Variants in TSNARE1 observed in about 807,000 individuals in gnomAD.
TSNARE1 encodes the protein t-SNARE domain-containing protein 1.
Under a neutral mutation model 62.0 loss-of-function variants are expected in TSNARE1, and 49 were observed. The observed-to-expected ratio is 0.79, with a 90% CI of 0.63 to 1.00. TSNARE1 has a LOEUF of 1.00. Among genes scored for constraint, TSNARE1 ranks in the 50% least tolerant of loss-of-function variants. The probability of loss-of-function intolerance (pLI) is 0.00; values close to 1 mark genes in which losing one functional copy is unlikely to be tolerated. For missense variants in TSNARE1, 755 were observed against 700.1 expected (o/e 1.08, Z -0.88); for synonymous variants, 328 against 294.4 (o/e 1.11, Z -1.17).
intron 2 of TSNARE1, among the ~76,000 whole-genome samples, chr8:142,354,151 A>T (rs914393493): frequency 2.6e-5 from 4 of 152,110 alleles, no homozygotes; most frequent in African/African-American, 9.7e-5. Flanking sequence ...GAAATGGAAG[A>T]GCAGCGGCTC....
chr8:142,289,082 G>A (rs539177691), intron 10 of TSNARE1, among the ~76,000 whole-genome samples: 24 of 152,328 alleles, frequency 1.6e-4, no homozygotes, highest in South Asian at 1.5e-3. Flanking sequence ...CTCAAACATC[G>A]GCCTGGTCCC....
chr8:142,222,615 T>C (rs796168228), intron 13 of TSNARE1, among the ~76,000 whole-genome samples: 1 of 37,884 alleles, frequency 2.6e-5, no homozygotes, highest in African/African-American at 8.0e-5. Context: ...CACTCATTCA[T>C]CCACTCACTC....
intron 6 of TSNARE1, among the ~76,000 whole-genome samples, chr8:142,320,431 C>T (rs142939226): frequency 0.012 from 1,851 of 151,482 alleles, 39 homozygotes; most frequent in African/African-American, 0.042. Flanking sequence ...GTACCTCCGA[C>T]TTCACTTCCC....
intron 1 of TSNARE1, among the ~76,000 whole-genome samples, chr8:142,397,878 G>A (rs1460975311): frequency 1.3e-5 from 2 of 152,146 alleles, no homozygotes; most frequent in African/African-American, 4.8e-5. Flanking sequence ...GGCCCCTGCA[G>A]GCTCCAGACA....
At position 142,318,612 on chromosome 8, in the gene TSNARE1, T is replaced by C. The variant is rs1168153555; in HGVS notation, c.916A>G (p.Asn306Asp). ...CTGGCGCTGGCTGCAATGGTCTTGTTGGTCTCCTGCTGTGCCGTGTGCCTG... is the reference window on the plus strand; with the variant it reads ...CTGGCGCTGGCTGCAATGGTCTTGTCGGTCTCCTGCTGTGCCGTGTGCCTG... ...DSLHTAQQETNKTIAASASSV... is the reference protein window; with the variant it reads ...DSLHTAQQETDKTIAASASSV... The change falls in exon 7 of 14, where the codon AAC becomes GAC. Residue 306 changes from asparagine to aspartate, a missense_variant. Transcript: ENST00000524325. 1 of 1,613,758 alleles carries C rather than the reference T, an allele frequency of 6.2e-7. No homozygotes were observed.
rs1327327899 is a variant in TSNARE1 at position 142,319,636 on chromosome 8, G to A, written c.894-1002C>T. Among the ~76,000 whole-genome samples, 1 of 152,110 alleles carries A rather than the reference G, an allele frequency of 6.6e-6. No homozygotes were observed. The highest frequency in any genetic ancestry group is 6.5e-5 in the Admixed American group (1 of 15,282). On this transcript the variant is annotated intron_variant, in intron 6 of 13. Transcript: ENST00000524325. This position sits in a 1 kb window ranked among gnomAD's most constrained non-coding sequence, Gnocchi z 4.9. ...CAAAAGGCCCCTGCAGGCCCCTCAG[G>A]CATCACCCAGGACCTGCACCAAGCA...
intron 2 of TSNARE1, among the ~76,000 whole-genome samples, chr8:142,346,297 T>C (rs1833359788): frequency 6.6e-6 from 1 of 152,230 alleles, no homozygotes; most frequent in Non-Finnish European, 1.5e-5. Flanking sequence ...ATCATTCTAC[T>C]GCATTTTATA....
At chr8:142,278,897 G>A (rs1265997822) in intron 11 of TSNARE1, 1 of 724,550 alleles carries the variant, frequency 1.4e-6, no homozygotes, top group African/African-American at 1.9e-5. Context: ...CTGGGGCCCA[G>A]GCTCCTCCCT....
intron 1 of TSNARE1, among the ~76,000 whole-genome samples, chr8:142,375,366 G>A (rs1587069066): frequency 1.3e-5 from 2 of 152,254 alleles, no homozygotes; most frequent in African/African-American, 4.8e-5. Flanking sequence ...AGCAGGTGAG[G>A]AGCGCCACAC....
At position 142,317,182 on chromosome 8, in the gene TSNARE1, G is replaced by A. The variant is rs557169992; in HGVS notation, c.984+1362C>T. ...GGCCAGCGGCTCACACTGTACGCAT[G>A]AAGCGGGTATGGCCAGCGGCTCACA... is the stretch of plus-strand genomic sequence containing the variant. On this transcript the variant is annotated intron_variant, in intron 7 of 13. Coordinates refer to ENST00000524325, the MANE Select transcript of TSNARE1 (RefSeq NM_145003.5). 1.4e-3 allele frequency among the ~76,000 whole-genome samples: 210 copies of A among 149,906 alleles called. 4 individuals are homozygous for A. Among genetic ancestry groups the A allele is most frequent in the Admixed American group, 2.5e-3 (37 of 14,722 alleles).
At chr8:142,402,867 C>T (rs1291798727) in intron 1 of TSNARE1, 1 of 152,138 alleles carries the variant, frequency 6.6e-6, no homozygotes, top group Non-Finnish European at 1.5e-5. Context: ...GCGGCGCTCT[C>T]GCGGGGCTGC....
At chr8:142,279,029 G>A (rs545900047) in intron 11 of TSNARE1, among the ~76,000 whole-genome samples, 1 of 152,340 alleles carries the variant, frequency 6.6e-6, no homozygotes, top group South Asian at 2.1e-4. Context: ...CCCACCTGCT[G>A]GCTGGCCTTG....
chr8:142,347,178 C>T (rs1024651607), intron 2 of TSNARE1, among the ~76,000 whole-genome samples: 5 of 152,238 alleles, frequency 3.3e-5, no homozygotes, highest in South Asian at 2.1e-4. Context: ...CATTTCGGGG[C>T]GGAGGTTTCC....
In TSNARE1 at chr8:142,345,782, G is replaced by A. The variant is rs1833272133; in HGVS notation, c.199C>T (p.Pro67Ser). 2 of 1,613,214 alleles carry A rather than the reference G, an allele frequency of 1.2e-6. No homozygotes were observed. The highest frequency in any genetic ancestry group is 2.7e-5 in the African/African-American group (2 of 74,836). Residue 67 changes from proline to serine, a missense_variant, in exon 3 of 14, where the codon CCA becomes TCA. Pro to Ser is a moderately conservative substitution (Grantham distance 74). Transcript: ENST00000524325. Reference protein sequence around the residue: ...VGKDGEGDLGPAGTPIVPRAR... With the variant: ...VGKDGEGDLGSAGTPIVPRAR... ...CTTGGGACAATAGGCGTGCCTGCTG[G>A]CCCCAGATCACCTTCCCCGTCCTTC...
intron 1 of TSNARE1, among the ~76,000 whole-genome samples, chr8:142,392,276 C>A (rs917501568): frequency 1.3e-5 from 2 of 152,158 alleles, no homozygotes; most frequent in African/African-American, 4.8e-5. Context: ...CCCACCTCGG[C>A]CTCCCAAAGT....
chr8:142,280,066 T>A (rs1377488491), intron 11 of TSNARE1: 2 of 1,234,636 alleles, frequency 1.6e-6, no homozygotes, highest in East Asian at 7.4e-5. Context: ...GTTCACTGCC[T>A]GCAGGATGCG....
At chr8:142,233,090 C>T (rs982076365) in intron 12 of TSNARE1, among the ~76,000 whole-genome samples, 2 of 152,180 alleles carry the variant, frequency 1.3e-5, no homozygotes, top group African/African-American at 4.8e-5. Flanking sequence ...GGCACACAGC[C>T]CCCACTCATA....
rs554347696 is a variant in TSNARE1 at position 142,325,561 on chromosome 8, G to A, written c.893+5340C>T. On this transcript the variant is annotated intron_variant, in intron 6 of 13. Coordinates refer to ENST00000524325, the MANE Select transcript of TSNARE1 (RefSeq NM_145003.5). ...GGAGTGGACAGGCCAGCCCACGACCGGTGAGGGCAGGGTGGCGTGGGGTCC... is the reference window on the plus strand; with the variant it reads ...GGAGTGGACAGGCCAGCCCACGACCAGTGAGGGCAGGGTGGCGTGGGGTCC... Among the ~76,000 whole-genome samples the A allele has an allele frequency of 2.1e-3, 315 of 152,294 alleles. 1 individual carries two copies. The highest frequency in any genetic ancestry group is 5.2e-3 in the African/African-American group (215 of 41,558).
chr8:142,277,260 G>A (rs1563808930), intron 11 of TSNARE1: 1 of 985,278 alleles, frequency 1.0e-6, no homozygotes, highest in Admixed American at 6.1e-5. Flanking sequence ...CCAAGCACTA[G>A]GCCAGAGGCC....
Sources: allele counts gnomAD v4.1 joint callset (sites outside exome capture counted in the v4.1 genomes callset), GRCh38; gene constraint gnomAD v4.1.1; non-coding constraint Gnocchi (gnomAD v3.1); transcripts MANE v1.5; gene names NCBI Gene and HGNC (gene_info 2026-07-23, HGNC 2026-07-21).